CA10: variants seen among roughly 807,000 people sequenced by gnomAD.
CA10 encodes carbonic anhydrase 10 (inactive).
A neutral mutation model predicts 44.2 loss-of-function variants in CA10; 14 were observed. That is an observed-to-expected ratio of 0.32 (90% CI 0.21 to 0.50). The LOEUF (loss-of-function observed/expected upper bound fraction) is 0.50, where lower values mean the gene tolerates loss of function less well. Among genes scored for constraint, CA10 ranks in the 20% least tolerant of loss-of-function variants. The pLI is 0.99. For missense variants in CA10, 350 were observed against 409.7 expected, an observed-to-expected ratio of 0.85 and a Z score of 1.26; for synonymous variants, 159 against 141.6, an observed-to-expected ratio of 1.12 and a Z score of -0.87.
intron 1 of CA10, among the ~76,000 whole-genome samples, chr17:52,099,358 A>C (rs951773385): frequency 1.3e-5 from 2 of 152,158 alleles, no homozygotes; most frequent in Non-Finnish European, 2.9e-5. Flanking sequence ...AGGAGTATAG[A>C]TTTTATTCTA....
At chr17:51,910,259 A>C (rs1408571515) in intron 3 of CA10, among the ~76,000 whole-genome samples, 1 of 152,076 alleles carries the variant, frequency 6.6e-6, no homozygotes, top group Non-Finnish European at 1.5e-5. Context: ...CAGAAAACTT[A>C]ATCTCCAAAG....
chr17:52,054,387 ACT>A (rs1987165387), intron 2 of CA10, among the ~76,000 whole-genome samples: 1 of 151,966 alleles, frequency 6.6e-6, no homozygotes, highest in South Asian at 2.1e-4. Context: ...CTGCTTTCAA[ACT>A]CTGTCTCCTG....
intron 4 of CA10, among the ~76,000 whole-genome samples, chr17:51,715,565 T>G (rs1385140065): frequency 6.6e-6 from 1 of 152,164 alleles, no homozygotes; most frequent in Non-Finnish European, 1.5e-5. Context: ...ATTTACCCTT[T>G]GTGTTACAAA....
At chr17:51,696,799 T>C (rs1483656404) in intron 4 of CA10, among the ~76,000 whole-genome samples, 2 of 152,184 alleles carry the variant, frequency 1.3e-5, no homozygotes, top group African/African-American at 4.8e-5. Context: ...TGTTTATTTA[T>C]TTCAATGAAT....
intron 1 of CA10, among the ~76,000 whole-genome samples, chr17:52,125,835 G>T (rs1276002690): frequency 6.6e-6 from 1 of 152,026 alleles, no homozygotes; most frequent in Admixed American, 6.5e-5. Context: ...ATGTTTGGGG[G>T]TGACTGATTG....
intron 4 of CA10, among the ~76,000 whole-genome samples, chr17:51,683,735 C>T (rs1914919765): frequency 6.6e-6 from 1 of 152,096 alleles, no homozygotes; most frequent in Non-Finnish European, 1.5e-5. Flanking sequence ...GCAAGAAACC[C>T]CGGGACAAGC....
chr17:51,970,955 G>C (rs1431277930), intron 2 of CA10, among the ~76,000 whole-genome samples: 1 of 152,056 alleles, frequency 6.6e-6, no homozygotes, highest in Non-Finnish European at 1.5e-5. Flanking sequence ...CAATGGATTT[G>C]CATGGGAAAT....
chr17:51,925,347 A>T (rs889976355), intron 3 of CA10, among the ~76,000 whole-genome samples: 1 of 152,108 alleles, frequency 6.6e-6, no homozygotes, highest in Non-Finnish European at 1.5e-5. Flanking sequence ...AAGTCTGCCA[A>T]TTCATTAGGG....
chr17:51,962,659 A>G (rs1385945483), intron 2 of CA10, among the ~76,000 whole-genome samples: 1 of 152,198 alleles, frequency 6.6e-6, no homozygotes. Context: ...AAGCAAAACA[A>G]AAAACCATAT....
At chr17:51,942,438 T>C (rs944956485) in intron 2 of CA10, among the ~76,000 whole-genome samples, 4 of 151,912 alleles carry the variant, frequency 2.6e-5, no homozygotes, top group African/African-American at 9.7e-5. Flanking sequence ...TTCTATGATA[T>C]AGTGTCTTGA....
chr17:51,776,160 T>A (rs139998314), intron 3 of CA10, among the ~76,000 whole-genome samples: 1 of 152,056 alleles, frequency 6.6e-6, no homozygotes, highest in African/African-American at 2.4e-5. Context: ...AGGAGTTTGA[T>A]ACCAGCCTGA....
At chr17:51,948,936 C>A (rs890421241) in intron 2 of CA10, among the ~76,000 whole-genome samples, 2 of 152,070 alleles carry the variant, frequency 1.3e-5, no homozygotes, top group Non-Finnish European at 2.9e-5. Context: ...ATCACTATTA[C>A]TGTCCAGAAA....
chr17:51,706,727 C>T (rs1450674027), intron 4 of CA10, among the ~76,000 whole-genome samples: 1 of 152,144 alleles, frequency 6.6e-6, no homozygotes, highest in Non-Finnish European at 1.5e-5. Flanking sequence ...TCCACATTAG[C>T]CAACTTTTTT....
intron 2 of CA10, among the ~76,000 whole-genome samples, chr17:52,041,058 T>C (rs1464123648): frequency 2.0e-5 from 3 of 152,074 alleles, no homozygotes; most frequent in South Asian, 2.1e-4. Flanking sequence ...AGGAGCTAAA[T>C]TAGCCTTAGA....
intron 1 of CA10, among the ~76,000 whole-genome samples, chr17:52,144,563 G>T (rs1989544401): frequency 1.3e-5 from 2 of 152,136 alleles, no homozygotes; most frequent in African/African-American, 4.8e-5. Context: ...TGTCTCTGAA[G>T]ATGATGCTAT....
chr17:52,066,935 T>C (rs1030560469), intron 2 of CA10, among the ~76,000 whole-genome samples: 1 of 152,216 alleles, frequency 6.6e-6, no homozygotes, highest in Admixed American at 6.5e-5. Flanking sequence ...ATTTTATACA[T>C]TCATAAAGAG....
chr17:51,984,295 A>G (rs1051599669), intron 2 of CA10, among the ~76,000 whole-genome samples: 1 of 151,866 alleles, frequency 6.6e-6, no homozygotes, highest in Non-Finnish European at 1.5e-5. Context: ...AAATGAAAAC[A>G]TTCTTTGAAC....
intron 1 of CA10, among the ~76,000 whole-genome samples, chr17:52,093,304 T>C (rs1490525102): frequency 6.6e-6 from 1 of 152,144 alleles, no homozygotes; most frequent in Non-Finnish European, 1.5e-5. Context: ...TCTAAGCAAA[T>C]CTTTCACTCC....
chr17:52,104,200 TTTC>T (rs1988606874), intron 1 of CA10, among the ~76,000 whole-genome samples: 1 of 150,856 alleles, frequency 6.6e-6, no homozygotes, highest in African/African-American at 2.4e-5. Flanking sequence ...TTTTTTTTTT[TTTC>T]TTCTCTGAGA....
Sources: allele counts gnomAD v4.1 joint callset (sites outside exome capture counted in the v4.1 genomes callset), GRCh38; gene constraint gnomAD v4.1.1; transcripts MANE v1.5; gene names NCBI Gene and HGNC (gene_info 2026-07-23, HGNC 2026-07-21).